The following KIF5B variants were observed in gnomAD, a reference collection of about 807,000 sequenced individuals.
The protein encoded by KIF5B is kinesin-1 heavy chain.
Under a neutral mutation model 132.8 loss-of-function variants are expected in KIF5B, and 49 were observed. The ratio of observed to expected loss-of-function variants is 0.37; its 90% CI spans 0.29 to 0.47. KIF5B has a LOEUF of 0.47. KIF5B is among the 20% of genes least tolerant of loss of function. The pLI is 1.00. For synonymous variants in KIF5B, 355 were observed against 369.4 expected, an observed-to-expected ratio of 0.96 and a Z score of 0.45; for missense variants, 780 against 1,144.0, an observed-to-expected ratio of 0.68 and a Z score of 4.59.
At chr10:32,036,348 C>T (rs1281896415) in intron 8 of KIF5B, among the ~76,000 whole-genome samples, 2 of 152,096 alleles carry the variant, frequency 1.3e-5, no homozygotes, top group Non-Finnish European at 2.9e-5. Flanking sequence ...AAAACAGAGA[C>T]TGAGTTTTAA....
intron 15 of KIF5B, among the ~76,000 whole-genome samples, chr10:32,027,957 C>A (rs762221609): frequency 6.6e-6 from 1 of 151,986 alleles, no homozygotes; most frequent in African/African-American, 2.4e-5. Context: ...AATTTATTAA[C>A]GTAATTTTTA....
intron 9 of KIF5B, 30 bp from the exon 10 acceptor site, chr10:32,035,697 G>T: frequency 6.3e-7 from 1 of 1,574,914 alleles, no homozygotes; most frequent in South Asian, 1.2e-5. Flanking sequence ...AAGAAAACAA[G>T]ACCAGTATAA....
rs1331618966 is a variant in KIF5B, at chr10:32,015,514, G to T, written c.*15C>A. On this transcript the variant is annotated 3_prime_UTR_variant, in exon 25 of 26. Coordinates refer to ENST00000302418, the MANE Select transcript of KIF5B (RefSeq NM_004521.3). The stretch of plus-strand genomic sequence containing the variant: ...GCCAGATATAAATAACAAACCTGTG[G>T]GTATGTATAAACGATTACACTTGTT... 3 of 1,576,852 alleles carry T rather than the reference G, an allele frequency of 1.9e-6. No individual in the cohort carries two copies. Among genetic ancestry groups the T allele is most frequent in the Admixed American group, 1.9e-5 (1 of 53,438 alleles).
At chr10:32,032,900 C>G in intron 12 of KIF5B, 126 bp from the exon 13 acceptor site, 1 of 710,272 alleles carries the variant, frequency 1.4e-6, no homozygotes, top group South Asian at 1.7e-5. Context: ...TTCAACATTG[C>G]TTATTTTAAT....
chr10:32,032,164 TAG>T, intron 13 of KIF5B, among the ~76,000 whole-genome samples: 1 of 152,134 alleles, frequency 6.6e-6, no homozygotes, highest in South Asian at 2.1e-4. Context: ...TAATGGCATT[TAG>T]GAGTAGGGAC....
Position 32,038,213 on chromosome 10 carries a change from T to G in KIF5B, c.448A>C (p.Lys150Gln). 1 of 1,605,810 alleles carries G rather than the reference T, an allele frequency of 6.2e-7. No homozygotes were observed. The highest frequency in any genetic ancestry group is 1.1e-5 in the South Asian group (1 of 90,736). The change falls in exon 6 of 26, where the codon AAG becomes CAG. Residue 150 changes from lysine (K) to glutamine (Q), a missense_variant. By Grantham distance (53) the Lys-to-Gln change is moderately conservative. This residue lies in a region of KIF5B where 76 missense variants were observed against 146.4 expected (regional missense o/e 0.52). Transcript: ENST00000302418. Reference sequence around the variant, plus strand: ...TCTTCATGAACTGAAAGGTTGGTCTTTGAAACTGAGAAAGAAAAACAAATG... The same window carrying G: ...TCTTCATGAACTGAAAGGTTGGTCTGTGAAACTGAGAAAGAAAAACAAATG... ...DKIRDLLDVS[K>Q]TNLSVHEDKN... is the part of the protein sequence containing the mutation.
chr10:32,045,365 CTGA>C (rs1443585679), intron 2 of KIF5B, among the ~76,000 whole-genome samples: 15 of 152,156 alleles, frequency 9.9e-5, no homozygotes, highest in Non-Finnish European at 1.5e-4. Context: ...AAAATATTAA[CTGA>C]TGATATTAAA....
chr10:32,036,137 T>C, intron 8 of KIF5B, 143 bp from the exon 9 acceptor site: 1 of 512,312 alleles, frequency 2.0e-6, no homozygotes, highest in Non-Finnish European at 3.4e-6. Context: ...TTGCCAAGCA[T>C]ACCACCATTT....
At chr10:32,031,340 G>A (rs1841400483) in intron 13 of KIF5B, 61 bp from the exon 14 acceptor site, 1 of 1,273,458 alleles carries the variant, frequency 7.9e-7, no homozygotes, top group Non-Finnish European at 1.1e-6. Flanking sequence ...AAACACCCAT[G>A]AAGCTTCACC....
At position 32,017,045 on chromosome 10, in the gene KIF5B, A is replaced by G. The variant is rs890859134; in HGVS notation, c.2761+98T>C. On this transcript the variant is annotated intron_variant, in intron 24 of 25. Transcript: ENST00000302418. Reference sequence around the variant, plus strand: ...CTGCTAAGTTAGAAAATAGAGACAGATGCACCATGACAACACATAAAATTC... The same window carrying G: ...CTGCTAAGTTAGAAAATAGAGACAGGTGCACCATGACAACACATAAAATTC... The G allele has an allele frequency of 1.3e-5, 12 of 945,912 alleles. No individual in the cohort carries two copies. The African/African-American group carries it at 1.8e-4, about 14-fold the overall frequency. The allele number at this position is 945,912 out of a possible 1,614,324, so 58.6% of individuals were successfully genotyped here.
intron 25 of KIF5B, among the ~76,000 whole-genome samples, chr10:32,014,927 A>G (rs1314805367): frequency 1.3e-5 from 2 of 152,156 alleles, no homozygotes; most frequent in African/African-American, 4.8e-5. Flanking sequence ...GTTTGAGACC[A>G]GCCTGACCAA....
intron 24 of KIF5B, among the ~76,000 whole-genome samples, chr10:32,016,232 G>A (rs890141588): frequency 8.5e-5 from 13 of 152,192 alleles, no homozygotes; most frequent in African/African-American, 3.1e-4. Flanking sequence ...CGAGGCAGGT[G>A]GATCATCTGA....
chr10:32,014,398 G>C (rs1841129179), intron 25 of KIF5B, among the ~76,000 whole-genome samples: 1 of 151,834 alleles, frequency 6.6e-6, no homozygotes, highest in African/African-American at 2.4e-5. Context: ...TCTCGGAGTG[G>C]GGCAGGGGGG....
chr10:32,017,094 A>G (rs181655058), intron 24 of KIF5B, 49 bp downstream of exon 24: 1 of 1,443,284 alleles, frequency 6.9e-7, no homozygotes, highest in East Asian at 2.3e-5. Context: ...CACTAAATGA[A>G]AGCATTCAAA....
At chr10:32,053,324 G>C (rs959391789) in intron 1 of KIF5B, among the ~76,000 whole-genome samples, 3 of 151,714 alleles carry the variant, frequency 2.0e-5, no homozygotes, top group Non-Finnish European at 4.4e-5. Context: ...GTTACTATAT[G>C]CAAGAAACTA....
At chr10:32,045,406 T>C (rs764205059) in intron 2 of KIF5B, among the ~76,000 whole-genome samples, 2 of 152,210 alleles carry the variant, frequency 1.3e-5, no homozygotes, top group Admixed American at 1.3e-4. Context: ...TACTACCATC[T>C]TCCACAAATA....
At position 32,056,131 on chromosome 10, in the gene KIF5B, C is replaced by T; in HGVS notation, c.-158G>A. The T allele has an allele frequency of 3.5e-6, 3 of 846,044 alleles. No individual in the cohort carries two copies. Among genetic ancestry groups the T allele is most frequent in the Non-Finnish European group, 5.3e-6 (3 of 570,734 alleles). 52.4% of individuals were successfully genotyped at this position (846,044 alleles called of 1,614,324 possible). A position where few individuals can be genotyped will look rare whatever the true frequency, so the allele number is the denominator to read the frequency against. ...CCCCGGGTGGAGGCGGCCGGGGAGC[C>T]GGGACTTGAAGAGCCGGCGCCGGCA... On this transcript the variant is annotated 5_prime_UTR_variant, in exon 1 of 26. Coordinates refer to ENST00000302418, the MANE Select transcript of KIF5B (RefSeq NM_004521.3).
At chr10:32,046,304 T>C (rs896979114) in intron 2 of KIF5B, among the ~76,000 whole-genome samples, 10 of 152,216 alleles carry the variant, frequency 6.6e-5, no homozygotes, top group Non-Finnish European at 1.2e-4. Flanking sequence ...TCAAAGAATG[T>C]AGTAAAATTG....
At chr10:32,024,392 G>A (rs1176957449) in intron 15 of KIF5B, among the ~76,000 whole-genome samples, 24 of 147,442 alleles carry the variant, frequency 1.6e-4, no homozygotes, top group Non-Finnish European at 3.6e-4. Context: ...CTGACCTCGT[G>A]ATCCGCCCGC....
Sources: allele counts gnomAD v4.1 joint callset (sites outside exome capture counted in the v4.1 genomes callset), GRCh38; gene constraint gnomAD v4.1.1; regional missense constraint gnomAD v4.1.1; transcripts MANE v1.5; gene names NCBI Gene and HGNC (gene_info 2026-07-23, HGNC 2026-07-21).